RGS20: variants seen among roughly 807,000 people sequenced by gnomAD.
RGS20 encodes gz-selective GTPase-activating protein.
A neutral mutation model predicts 33.6 loss-of-function variants in RGS20; 30 were observed. The ratio of observed to expected loss-of-function variants is 0.89; its 90% CI spans 0.67 to 1.21. RGS20 has a LOEUF of 1.21. RGS20 is among the 50% of genes most tolerant of loss of function. RGS20 has a pLI of 0.00. For synonymous variants in RGS20, 208 were observed against 197.9 expected (o/e 1.05, Z -0.43); for missense variants, 472 against 502.4 (o/e 0.94, Z 0.58).
At chr8:53,942,159 G>A (rs1033117706) in intron 3 of RGS20, among the ~76,000 whole-genome samples, 1 of 152,154 alleles carries the variant, frequency 6.6e-6, no homozygotes, top group African/African-American at 2.4e-5. Context: ...CATAATCCCA[G>A]CTACTCAGGA....
chr8:53,856,950 T>C (rs540714097), intron 1 of RGS20, among the ~76,000 whole-genome samples: 1 of 152,126 alleles, frequency 6.6e-6, no homozygotes, highest in South Asian at 2.1e-4. Flanking sequence ...GAGCCTTGTG[T>C]GATGAAAATG....
rs1372795403 is a variant in RGS20, at chr8:53,851,872, A to C, written c.-28A>C. On this transcript the variant is annotated 5_prime_UTR_variant, in exon 1 of 6. Coordinates refer to ENST00000297313, the MANE Select transcript of RGS20 (RefSeq NM_170587.4). ...AATATTGGGAAAACCAGGCAACAGGACTCATTTGGGGCCTTTATTGTGAAA... is the reference window on the plus strand; with the variant it reads ...AATATTGGGAAAACCAGGCAACAGGCCTCATTTGGGGCCTTTATTGTGAAA... 1.2e-6 allele frequency: 2 copies of C among 1,610,116 alleles called. No individual in the cohort carries two copies. The highest frequency in any genetic ancestry group is 3.4e-5 in the Admixed American group (2 of 59,560).
chr8:53,926,738 C>T (rs773023922), intron 2 of RGS20, among the ~76,000 whole-genome samples: 6 of 151,916 alleles, frequency 3.9e-5, no homozygotes, highest in Non-Finnish European at 7.4e-5. Context: ...ATGGTGAAAC[C>T]CCATCTCTAC....
At chr8:53,870,378 G>A (rs910089934) in intron 1 of RGS20, among the ~76,000 whole-genome samples, 3 of 152,142 alleles carry the variant, frequency 2.0e-5, no homozygotes, top group Non-Finnish European at 2.9e-5. Flanking sequence ...TTCTAGATAC[G>A]ATTCATTGGG....
At chr8:53,895,544 T>A (rs990922223) in intron 2 of RGS20, among the ~76,000 whole-genome samples, 5 of 152,184 alleles carry the variant, frequency 3.3e-5, no homozygotes, top group African/African-American at 1.2e-4. Context: ...CTATGAAGAA[T>A]TTCTGTTTAT....
chr8:53,907,916 C>T (rs1319756679), intron 2 of RGS20, among the ~76,000 whole-genome samples: 5 of 152,122 alleles, frequency 3.3e-5, no homozygotes, highest in Admixed American at 1.3e-4. Flanking sequence ...GTAGGAGGTA[C>T]GGTCACCCTG....
chr8:53,893,425 CAGG>C (rs1408306812), intron 2 of RGS20, among the ~76,000 whole-genome samples: 2 of 152,140 alleles, frequency 1.3e-5, no homozygotes, highest in Non-Finnish European at 2.9e-5. Context: ...TGACCTGGGC[CAGG>C]AGGACAGCAC....
chr8:53,895,986 G>C (rs1471605161), intron 2 of RGS20, among the ~76,000 whole-genome samples: 1 of 151,170 alleles, frequency 6.6e-6, no homozygotes, highest in Non-Finnish European at 1.5e-5. Flanking sequence ...GGGAGAAAAA[G>C]TGAGAAGAAT....
At chr8:53,937,773 A>C (rs186223149) in intron 2 of RGS20, among the ~76,000 whole-genome samples, 1 of 152,220 alleles carries the variant, frequency 6.6e-6, no homozygotes, top group Non-Finnish European at 1.5e-5. Context: ...GCCAAAAGAC[A>C]CATGAAAAAA....
chr8:53,937,637 GAC>G (rs1814172703), intron 2 of RGS20, among the ~76,000 whole-genome samples: 1 of 152,098 alleles, frequency 6.6e-6, no homozygotes, highest in Non-Finnish European at 1.5e-5. Flanking sequence ...CTACTCATCT[GAC>G]AAAGGGCTAA....
intron 2 of RGS20, among the ~76,000 whole-genome samples, chr8:53,926,860 C>T (rs539497537): frequency 3.2e-4 from 48 of 152,016 alleles, no homozygotes; most frequent in Non-Finnish European, 6.3e-4. Context: ...TTACAGTGAG[C>T]CGAGATCACA....
rs528867847 is a variant in RGS20, at chr8:53,877,666, G to A, written c.166-1592G>A. Among the ~76,000 whole-genome samples the A allele has an allele frequency of 6.6e-6, 1 of 152,322 alleles. No individual in the cohort carries two copies. Among genetic ancestry groups the A allele is most frequent in the Admixed American group, 6.5e-5 (1 of 15,312 alleles). ...GAGCGGGGGAGGGGAGCAGCTGAAC[G>A]AGGAGAATGAAAATACTGGGAGAAC... On this transcript the variant is annotated intron_variant, in intron 1 of 5. Coordinates refer to ENST00000297313, the MANE Select transcript of RGS20 (RefSeq NM_170587.4). This position sits in a 1 kb window ranked among gnomAD's most constrained non-coding sequence, Gnocchi z 5.7.
At chr8:53,853,368 G>T (rs554347444) in intron 1 of RGS20, among the ~76,000 whole-genome samples, 28 of 152,264 alleles carry the variant, frequency 1.8e-4, no homozygotes, top group African/African-American at 6.7e-4. Flanking sequence ...AAATATTTAA[G>T]AATCAGTATT....
intron 2 of RGS20, 124 bp from the exon 2 acceptor site, chr8:53,939,452 C>A: frequency 9.3e-7 from 1 of 1,077,652 alleles, no homozygotes. Flanking sequence ...CGAGAAGTAG[C>A]AAAAATGACC....
intron 1 of RGS20, among the ~76,000 whole-genome samples, chr8:53,865,587 G>GT (rs1180431335): frequency 6.6e-6 from 1 of 152,126 alleles, no homozygotes; most frequent in Non-Finnish European, 1.5e-5. Context: ...TACTGCTTAG[G>GT]TTTTTTTGTG....
rs559503320 is a variant in RGS20 at position 53,872,286 on chromosome 8, A to C, written c.166-6972A>C. Among the ~76,000 whole-genome samples, 3 of 152,262 alleles carry C rather than the reference A, an allele frequency of 2.0e-5. No individual in the cohort carries two copies. The South Asian group carries it at 6.2e-4, about 32-fold the overall frequency. Reference sequence around the variant, plus strand: ...CTTGCCCCCTCCCCAATTCACTCCAATACTCAGCAGCCAAAGCAGTCTTTA... The same window carrying C: ...CTTGCCCCCTCCCCAATTCACTCCACTACTCAGCAGCCAAAGCAGTCTTTA... On this transcript the variant is annotated intron_variant, in intron 1 of 5. Coordinates refer to ENST00000297313, the MANE Select transcript of RGS20 (RefSeq NM_170587.4).
chr8:53,903,478 C>T (rs1563380817), intron 2 of RGS20, among the ~76,000 whole-genome samples: 2 of 152,174 alleles, frequency 1.3e-5, no homozygotes, highest in Admixed American at 1.3e-4. Flanking sequence ...AGCCACCTTC[C>T]ACAGCAGTTA....
At chr8:53,909,982 G>T (rs1813309209) in intron 2 of RGS20, among the ~76,000 whole-genome samples, 2 of 152,164 alleles carry the variant, frequency 1.3e-5, no homozygotes, top group African/African-American at 4.8e-5. Context: ...GTTGAAGAGA[G>T]CAGGGACAAA....
intron 2 of RGS20, among the ~76,000 whole-genome samples, chr8:53,908,481 A>G (rs925743149): frequency 2.0e-5 from 3 of 152,232 alleles, no homozygotes; most frequent in Non-Finnish European, 4.4e-5. Context: ...CTCTATTCAT[A>G]ATACAAAAAT....
Sources: gnomAD v4.1 joint callset for allele counts (sites outside exome capture counted in the v4.1 genomes callset) on GRCh38, gnomAD v4.1.1 for gene constraint, Gnocchi (gnomAD v3.1) non-coding constraint, MANE v1.5 for transcripts, NCBI Gene and HGNC (gene_info 2026-07-23, HGNC 2026-07-21) for gene names.